Variants in USH2A observed in about 807,000 individuals in gnomAD.
USH2A encodes usherin, also known as Usher syndrome 2A (autosomal recessive, mild).
In USH2A, 443 loss-of-function variants were observed where a neutral mutation model predicts 538.9. The ratio of observed to expected loss-of-function variants is 0.82; its 90% CI spans 0.76 to 0.89. USH2A has a LOEUF of 0.89. USH2A is among the 40% of genes least tolerant of loss of function. The pLI is 0.00. For missense variants in USH2A, 6,633 were observed against 6,324.8 expected, an observed-to-expected ratio of 1.05 and a Z score of -1.65; for synonymous variants, 2,413 against 2,273.5, an observed-to-expected ratio of 1.06 and a Z score of -1.75.
chr1:216,018,902 C>G (rs1668780946), intron 32 of USH2A, among the ~76,000 whole-genome samples: 1 of 151,626 alleles, frequency 6.6e-6, no homozygotes, highest in Non-Finnish European at 1.5e-5. Flanking sequence ...TTCTCTTTTT[C>G]TAATTGAAAG....
intron 11 of USH2A, among the ~76,000 whole-genome samples, chr1:216,284,793 A>G (rs2036849675): frequency 6.6e-6 from 1 of 152,198 alleles, no homozygotes; most frequent in Non-Finnish European, 1.5e-5. Context: ...TTTGACCAAA[A>G]TGCTGATAGT....
Position 215,786,768 on chromosome 1 carries a change from C to A in USH2A, c.10289G>T (p.Gly3430Val). The part of the protein sequence containing the change: ...FTSHICTVIR[G>V]SHNSTGKASI... ...TGCCTTCCCTGTGGAATTGTGAGAC[C>A]CTCTTATCACAGTGCAAATGTGGCT... Residue 3430 changes from glycine to valine, a missense_variant, in exon 52 of 72, where the codon GGG becomes GTG. Physicochemically the swap from Gly to Val is moderately radical, Grantham distance 109 (BLOSUM62 -3). Transcript: ENST00000307340. 6.2e-7 allele frequency: 1 copy of A among 1,613,918 alleles called. No individual in the cohort carries two copies. The highest frequency in any genetic ancestry group is 8.5e-7 in the Non-Finnish European group (1 of 1,179,936).
chr1:216,398,425 G>A (rs1042930243), intron 3 of USH2A, among the ~76,000 whole-genome samples: 2 of 152,062 alleles, frequency 1.3e-5, no homozygotes, highest in Non-Finnish European at 2.9e-5. Flanking sequence ...CCAAGGAAAG[G>A]CTTATTTTCC....
chr1:216,210,651 T>C (rs2035220003), intron 15 of USH2A, among the ~76,000 whole-genome samples: 1 of 152,142 alleles, frequency 6.6e-6, no homozygotes, highest in African/African-American at 2.4e-5. Context: ...ATAGTAACAG[T>C]AGTAACTGTT....
chr1:215,680,025 G>A (rs768526940), intron 62 of USH2A, 124 bp downstream of exon 62: 4 of 929,444 alleles, frequency 4.3e-6, no homozygotes, highest in Non-Finnish European at 6.9e-6. Flanking sequence ...GCCTGGAGGA[G>A]CTATCAAGGA....
chr1:216,042,704 A>C (rs1043585586), intron 32 of USH2A, among the ~76,000 whole-genome samples: 67 of 152,258 alleles, frequency 4.4e-4, no homozygotes, highest in African/African-American at 1.5e-3. Context: ...GACTTCAGAC[A>C]GACAGAGTCC....
intron 34 of USH2A, among the ~76,000 whole-genome samples, chr1:215,993,600 C>T (rs1299163701): frequency 6.6e-6 from 1 of 151,678 alleles, no homozygotes; most frequent in African/African-American, 2.4e-5. Flanking sequence ...TAAGACAAAA[C>T]AACTGACTTC....
chr1:216,355,383 G>GAAAGAAAGAAAGAAACAAAC (rs879931965), intron 4 of USH2A, among the ~76,000 whole-genome samples: 8 of 148,422 alleles, frequency 5.4e-5, no homozygotes, highest in Non-Finnish European at 7.5e-5. Context: ...AAGAAGGAAA[G>GAAAGAAAGAAAGAAACAAAC]AAACATATAG....
In USH2A at chr1:215,877,640, T is replaced by C. The variant is rs150263560; in HGVS notation, c.8681+118A>G. On this transcript the variant is annotated intron_variant, in intron 43 of 71. Coordinates refer to ENST00000307340, the MANE Select transcript of USH2A (RefSeq NM_206933.4). ...TAATGCCACAGATAATAACCAAACA[T>C]GTTTTATTGCATAACTGATAACACG... 1,241 of 1,481,370 alleles carry C rather than the reference T, an allele frequency of 8.4e-4. 12 individuals carry two copies. In the African/African-American group the frequency reaches 0.013, roughly 16 times the overall value. The allele number at this position is 1,481,370 out of a possible 1,614,324, so 91.8% of individuals were successfully genotyped here. A position where few individuals can be genotyped will look rare whatever the true frequency, so the allele number is the denominator to read the frequency against.
At chr1:216,086,680 G>A (rs768390303) in intron 24 of USH2A, 39 bp downstream of exon 24, 4 of 1,428,516 alleles carry the variant, frequency 2.8e-6, no homozygotes, top group Non-Finnish European at 3.0e-6. Context: ...TCTATTCTAA[G>A]TTTGGATGAC....
chr1:215,748,404 G>A (rs1660541658), intron 58 of USH2A, among the ~76,000 whole-genome samples: 1 of 152,124 alleles, frequency 6.6e-6, no homozygotes, highest in Non-Finnish European at 1.5e-5. Context: ...TTTCCCAAAT[G>A]ATAAGTTGTA....
intron 35 of USH2A, among the ~76,000 whole-genome samples, chr1:215,971,328 G>T (rs914983947): frequency 3.9e-5 from 6 of 152,070 alleles, no homozygotes; most frequent in Non-Finnish European, 8.8e-5. Flanking sequence ...TGTCAGTCAG[G>T]ACATTCAAAA....
intron 4 of USH2A, among the ~76,000 whole-genome samples, chr1:216,358,953 C>A (rs149736034): frequency 6.6e-6 from 1 of 151,998 alleles, no homozygotes; most frequent in Non-Finnish European, 1.5e-5. Flanking sequence ...TAATTTATGG[C>A]GCTATCAAAT....
chr1:216,201,375 C>T (rs562650862), intron 16 of USH2A, among the ~76,000 whole-genome samples: 1 of 148,866 alleles, frequency 6.7e-6, no homozygotes, highest in Admixed American at 6.8e-5. Context: ...GTGGCACAAT[C>T]TCGGCTCACT....
At chr1:216,015,646 C>T (rs1322487546) in intron 32 of USH2A, among the ~76,000 whole-genome samples, 1 of 152,162 alleles carries the variant, frequency 6.6e-6, no homozygotes, top group African/African-American at 2.4e-5. Flanking sequence ...AGTGTAAAAG[C>T]ATTCCTATTT....
At chr1:216,231,249 T>TATTATATATATAATATATATATATTA in intron 14 of USH2A, among the ~76,000 whole-genome samples, 1 of 83,756 alleles carries the variant, frequency 1.2e-5, no homozygotes, top group South Asian at 3.6e-4. Context: ...TATATATATA[T>TATTATATATATAATATATATATATTA]TATATATATA....
intron 27 of USH2A, among the ~76,000 whole-genome samples, chr1:216,076,499 C>A (rs1048103542): frequency 5.9e-5 from 9 of 152,052 alleles, no homozygotes; most frequent in African/African-American, 2.2e-4. Context: ...GCTGTACATG[C>A]AGGGTTTTTG....
chr1:215,731,969 T>A (rs1571630051), intron 60 of USH2A, among the ~76,000 whole-genome samples: 1 of 152,210 alleles, frequency 6.6e-6, no homozygotes, highest in Non-Finnish European at 1.5e-5. Flanking sequence ...TTTCATTTTG[T>A]AAAGTGGAGT....
intron 37 of USH2A, among the ~76,000 whole-genome samples, chr1:215,957,671 C>G (rs191519485): frequency 6.6e-6 from 1 of 152,084 alleles, no homozygotes; most frequent in Non-Finnish European, 1.5e-5. Flanking sequence ...GCGTGGTGGA[C>G]GTTATGTTCC....
Sources: allele counts gnomAD v4.1 joint callset (sites outside exome capture counted in the v4.1 genomes callset), GRCh38; gene constraint gnomAD v4.1.1; transcripts MANE v1.5; gene names NCBI Gene and HGNC (gene_info 2026-07-23, HGNC 2026-07-21).